SLC30A1: variants seen among roughly 807,000 people sequenced by gnomAD.
SLC30A1 encodes proton-coupled zinc antiporter SLC30A1.
A neutral mutation model predicts 29.8 loss-of-function variants in SLC30A1; 7 were observed. The ratio of observed to expected loss-of-function variants is 0.23; its 90% CI spans 0.13 to 0.44. SLC30A1 has a LOEUF of 0.44. SLC30A1 is among the 20% of genes least tolerant of loss of function. The pLI, the probability that SLC30A1 is intolerant of heterozygous loss-of-function variation, is 1.00. For synonymous variants in SLC30A1, 254 were observed against 253.5 expected, an observed-to-expected ratio of 1.00 and a Z score of -0.02; for missense variants, 446 against 647.9, an observed-to-expected ratio of 0.69 and a Z score of 3.38.
rs761686281 is a variant in SLC30A1 at position 211,576,293 on chromosome 1, C to A, written c.623-4G>T. The A allele has an allele frequency of 6.5e-7, 1 of 1,530,688 alleles. No homozygotes were observed. The highest frequency in any genetic ancestry group is 8.8e-7 in the Non-Finnish European group (1 of 1,137,118). The allele number at this position is 1,530,688 out of a possible 1,614,324, so 94.8% of individuals were successfully genotyped here. On this transcript the variant is annotated splice_region_variant and splice_polypyrimidine_tract_variant and intron_variant, in intron 1 of 1. Transcript: ENST00000367001. ...CCACTTCTGGGGTTTTCTGGGTCTACAAAGAAATAAAAATTTTATATCAAA... is the reference window on the plus strand; with the variant it reads ...CCACTTCTGGGGTTTTCTGGGTCTAAAAAGAAATAAAAATTTTATATCAAA...
At position 211,578,590 on chromosome 1, in the gene SLC30A1, C is replaced by A; in HGVS notation, c.23G>T (p.Arg8Leu). MGCWGRN[R>L]GRLLCMLALT... Reference sequence around the variant, plus strand: ...CGCCAGCATGCACAGCAGCCGGCCCCGGTTCCGACCCCAACACCCCATGGC... The same window carrying A: ...CGCCAGCATGCACAGCAGCCGGCCCAGGTTCCGACCCCAACACCCCATGGC... The change falls in exon 1 of 2, where the codon CGG becomes CTG. Residue 8 changes from arginine to leucine, a missense_variant. Arg to Leu is a moderately radical substitution (Grantham distance 102). Coordinates refer to ENST00000367001, the MANE Select transcript of SLC30A1 (RefSeq NM_021194.3). The A allele has an allele frequency of 6.3e-7, 1 of 1,599,668 alleles. No individual in the cohort carries two copies.
At position 211,573,994 on chromosome 1, in the gene SLC30A1, C is replaced by T. The variant is rs562992158; in HGVS notation, c.*1394G>A. ...ATTTTAAATCCCAAAACGTAGCCAT[C>T]CCAAAAGTAGTCAGCTATAAAAGTA... is the stretch of plus-strand genomic sequence containing the variant. On this transcript the variant is annotated 3_prime_UTR_variant, in exon 2 of 2. Transcript: ENST00000367001. 9.8e-5 allele frequency: 15 copies of T among 152,464 alleles called. No homozygotes were observed. The highest frequency in any genetic ancestry group is 1.8e-4 in the Non-Finnish European group (12 of 67,924). 9.4% of individuals were successfully genotyped at this position (152,464 alleles called of 1,614,324 possible).
chr1:211,578,644 C>A lies in SLC30A1; in HGVS notation c.-32G>T, dbSNP rs1156751944. On this transcript the variant is annotated 5_prime_UTR_variant, in exon 1 of 2. Transcript: ENST00000367001. The stretch of plus-strand genomic sequence containing the variant: ...GGCTGCGGGGCCCGCCGAGCCCGGC[C>A]CGGAGACTGGTGCAGCGGCGGCGTT... 6.7e-7 allele frequency: 1 copy of A among 1,498,198 alleles called. No homozygotes were observed. Among genetic ancestry groups the A allele is most frequent in the East Asian group, 2.4e-5 (1 of 41,094 alleles). The allele number at this position is 1,498,198 out of a possible 1,614,324, so 92.8% of individuals were successfully genotyped here.
rs763814370 is a variant in SLC30A1 at position 211,574,549 on chromosome 1, A to C, written c.*839T>G. On this transcript the variant is annotated 3_prime_UTR_variant, in exon 2 of 2. Transcript: ENST00000367001. ...TAATTATTAGGTGTCAACATCCTTA[A>C]AAATACTTATATATTTTGTAAATAA... The C allele has an allele frequency of 6.6e-6, 1 of 152,152 alleles. No homozygotes were observed. The highest frequency in any genetic ancestry group is 2.4e-5 in the African/African-American group (1 of 41,452). 9.4% of individuals were successfully genotyped at this position (152,152 alleles called of 1,614,324 possible).
Position 211,578,677 on chromosome 1 carries a change from C to T in SLC30A1, c.-65G>A. On this transcript the variant is annotated 5_prime_UTR_variant, in exon 1 of 2. Transcript: ENST00000367001. The stretch of plus-strand genomic sequence containing the variant: ...TGGTGCAGCGGCGGCGTTGGCGGGA[C>T]GCGGAGGGTCGGCGACCGCGACACG... The T allele has an allele frequency of 1.1e-5, 15 of 1,402,290 alleles. No individual in the cohort carries two copies. Among genetic ancestry groups the T allele is most frequent in the Non-Finnish European group, 1.4e-5 (15 of 1,084,042 alleles). 86.9% of individuals were successfully genotyped at this position (1,402,290 alleles called of 1,614,324 possible).
Position 211,572,269 on chromosome 1 carries a change from A to G in SLC30A1, c.*3119T>C, listed in dbSNP as rs1393287203. On this transcript the variant is annotated 3_prime_UTR_variant, in exon 2 of 2. Coordinates refer to ENST00000367001, the MANE Select transcript of SLC30A1 (RefSeq NM_021194.3). The stretch of plus-strand genomic sequence containing the variant: ...CCCCTACACCTTCCCAAGAGTTTTA[A>G]CACTGTTTATGACTTAACTGAAACT... The G allele has an allele frequency of 6.6e-6, 1 of 152,160 alleles. No individual in the cohort carries two copies. The allele number at this position is 152,160 out of a possible 1,614,324, so 9.4% of individuals were successfully genotyped here.
chr1:211,573,901 C>A lies in SLC30A1; in HGVS notation c.*1487G>T, dbSNP rs1706686202. On this transcript the variant is annotated 3_prime_UTR_variant, in exon 2 of 2. Coordinates refer to ENST00000367001, the MANE Select transcript of SLC30A1 (RefSeq NM_021194.3). ...AGGAAAAACACACACCACAAAAGATCATCCCTTTAAAAAGTAACTGTCAAA... is the reference window on the plus strand; with the variant it reads ...AGGAAAAACACACACCACAAAAGATAATCCCTTTAAAAAGTAACTGTCAAA... 1 of 152,466 alleles carries A rather than the reference C, an allele frequency of 6.6e-6. No individual in the cohort carries two copies. Among genetic ancestry groups the A allele is most frequent in the Non-Finnish European group, 1.5e-5 (1 of 67,922 alleles). The allele number at this position is 152,466 out of a possible 1,614,324, so 9.4% of individuals were successfully genotyped here.
chr1:211,578,533 A>G lies in SLC30A1; in HGVS notation c.80T>C (p.Val27Ala), dbSNP rs770833121. The G allele has an allele frequency of 1.2e-6, 2 of 1,611,016 alleles. No individual in the cohort carries two copies. Among genetic ancestry groups the G allele is most frequent in the Non-Finnish European group, 1.7e-6 (2 of 1,179,128 alleles). The change falls in exon 1 of 2, where the codon GTG (valine) becomes GCG (alanine). Residue 27 changes from valine to alanine, a missense_variant. Coordinates refer to ENST00000367001, the MANE Select transcript of SLC30A1 (RefSeq NM_021194.3). Reference protein sequence around the residue: ...LTFMFMVLEVVVSRVTSSLAM... With the variant: ...LTFMFMVLEVAVSRVTSSLAM... ...CAGCGACGAGGTCACCCGGCTCACC[A>G]CCACCTCCAGCACCATGAACATGAA...
rs1206836064 is a variant in SLC30A1, at chr1:211,575,014, C to T, written c.*374G>A. 1.0e-4 allele frequency: 17 copies of T among 167,062 alleles called. No homozygotes were observed. The highest frequency in any genetic ancestry group is 1.7e-4 in the East Asian group (1 of 5,754). The allele number at this position is 167,062 out of a possible 1,614,324, so 10.3% of individuals were successfully genotyped here. ...ATTATAATTCTAATAAAGTATAACACTGGGGGAAAAGAAAAGCAGAGAAAT... is the reference window on the plus strand; with the variant it reads ...ATTATAATTCTAATAAAGTATAACATTGGGGGAAAAGAAAAGCAGAGAAAT... On this transcript the variant is annotated 3_prime_UTR_variant, in exon 2 of 2. Coordinates refer to ENST00000367001, the MANE Select transcript of SLC30A1 (RefSeq NM_021194.3). The surrounding 1 kb of genome is among the most constrained non-coding windows in gnomAD (Gnocchi z 6.0).
chr1:211,572,916 G>C lies in SLC30A1; in HGVS notation c.*2472C>G, dbSNP rs1225244771. On this transcript the variant is annotated 3_prime_UTR_variant, in exon 2 of 2. Coordinates refer to ENST00000367001, the MANE Select transcript of SLC30A1 (RefSeq NM_021194.3). Reference sequence around the variant, plus strand: ...ACTGATCTTGCTCAAATATAAAAGAGCCAGCAGGAGAGATGCAACTCCTAA... The same window carrying C: ...ACTGATCTTGCTCAAATATAAAAGACCCAGCAGGAGAGATGCAACTCCTAA... The C allele has an allele frequency of 6.6e-6, 1 of 152,064 alleles. No homozygotes were observed. The highest frequency in any genetic ancestry group is 1.5e-5 in the Non-Finnish European group (1 of 67,916). 9.4% of individuals were successfully genotyped at this position (152,064 alleles called of 1,614,324 possible).
chr1:211,576,185 G>C lies in SLC30A1; in HGVS notation c.727C>G (p.Leu243Val). ...TGCAGAAAAACTCCACGCATGTTAAGTTGTCCAGCCCTATCTTCTTCCAGT... is the reference window on the plus strand; with the variant it reads ...TGCAGAAAAACTCCACGCATGTTAACTTGTCCAGCCCTATCTTCTTCCAGT... ...MELEEDRAGQ[L>V]NMRGVFLHVL... The change falls in exon 2 of 2, where the codon CTT (leucine) becomes GTT (valine). Residue 243 changes from leucine to valine, a missense_variant. Coordinates refer to ENST00000367001, the MANE Select transcript of SLC30A1 (RefSeq NM_021194.3). 3.1e-6 allele frequency: 5 copies of C among 1,613,686 alleles called. No homozygotes were observed. Among genetic ancestry groups the C allele is most frequent in the Non-Finnish European group, 4.2e-6 (5 of 1,179,946 alleles).
chr1:211,576,218 G>C lies in SLC30A1; in HGVS notation c.694C>G (p.His232Asp). 6.2e-7 allele frequency: 1 copy of C among 1,612,230 alleles called. No individual in the cohort carries two copies. Among genetic ancestry groups the C allele is most frequent in the Non-Finnish European group, 8.5e-7 (1 of 1,179,340 alleles). ...GCCCTATCTTCTTCCAGTTCCATAT[G>C]GTCAGGTTCTCTGACAAGATTTCCA... ...VNGNLVREPD[H>D]MELEEDRAGQ... Residue 232 changes from histidine (H) to aspartate (D), a missense_variant, in exon 2 of 2, where the codon CAT becomes GAT. By Grantham distance (81) the His-to-Asp change is moderately conservative. Transcript: ENST00000367001.
At chr1:211,576,681 C>T (rs1164455292) in intron 1 of SLC30A1, among the ~76,000 whole-genome samples, 1 of 152,124 alleles carries the variant, frequency 6.6e-6, no homozygotes, top group Non-Finnish European at 1.5e-5. Context: ...TACAAAATAC[C>T]TGATTTGACA....
In SLC30A1 at chr1:211,572,792, T is replaced by C. The variant is rs925404408; in HGVS notation, c.*2596A>G. The C allele has an allele frequency of 4.6e-5, 7 of 152,168 alleles. No individual in the cohort carries two copies. Among genetic ancestry groups the C allele is most frequent in the East Asian group, 1.9e-4 (1 of 5,192 alleles). The allele number at this position is 152,168 out of a possible 1,614,324, so 9.4% of individuals were successfully genotyped here. On this transcript the variant is annotated 3_prime_UTR_variant, in exon 2 of 2. Coordinates refer to ENST00000367001, the MANE Select transcript of SLC30A1 (RefSeq NM_021194.3). Reference sequence around the variant, plus strand: ...TAAATCTCTCATCACTAAGGCTGCATTTGGCTTGGAAAAATTTCTTGGTTT... The same window carrying C: ...TAAATCTCTCATCACTAAGGCTGCACTTGGCTTGGAAAAATTTCTTGGTTT...
rs1477916184 is a variant in SLC30A1, at chr1:211,579,076, G to T, written c.-464C>A. Among the ~76,000 whole-genome samples, 3 of 152,244 alleles carry T rather than the reference G, an allele frequency of 2.0e-5. No homozygotes were observed. The highest frequency in any genetic ancestry group is 4.4e-5 in the Non-Finnish European group (3 of 68,024). On this transcript the variant is annotated 5_prime_UTR_variant, in exon 1 of 2. Transcript: ENST00000367001. ...TCTGCTTGCTGGTCTCCTCTGCGGCGGCTGGACTGAGGAGCGGATGGCTGA... is the reference window on the plus strand; with the variant it reads ...TCTGCTTGCTGGTCTCCTCTGCGGCTGCTGGACTGAGGAGCGGATGGCTGA...
Position 211,573,024 on chromosome 1 carries a change from T to C in SLC30A1, c.*2364A>G, listed in dbSNP as rs1706669987. On this transcript the variant is annotated 3_prime_UTR_variant, in exon 2 of 2. Transcript: ENST00000367001. ...ATTCAGAGTATTTCCCTCATTTTCT[T>C]TCAGAAAGGAATAAGCTATTTTGAG... 6.6e-6 allele frequency: 1 copy of C among 152,090 alleles called. No individual in the cohort carries two copies. The highest frequency in any genetic ancestry group is 1.5e-5 in the Non-Finnish European group (1 of 67,922). 9.4% of individuals were successfully genotyped at this position (152,090 alleles called of 1,614,324 possible). A position where few individuals can be genotyped will look rare whatever the true frequency, so the allele number is the denominator to read the frequency against.
Position 211,577,997 on chromosome 1 carries a change from G to T in SLC30A1, c.616C>A (p.Pro206Thr). The change falls in exon 1 of 2, where the codon CCC becomes ACC. Residue 206 changes from proline (P) to threonine (T), a missense_variant. Pro to Thr is a conservative substitution (Grantham distance 38). Transcript: ENST00000367001. The surrounding 1 kb of genome is among the most constrained non-coding windows in gnomAD (Gnocchi z 4.5). ...TSNSNGLKLD[P>T]ADPENPRSGD... is the part of the protein sequence containing the mutation. ...AGCGACTTTCCCGGCTCACCTGCGGGGTCCAATTTCAGCCCGTTGGAGTTG... is the reference window on the plus strand; with the variant it reads ...AGCGACTTTCCCGGCTCACCTGCGGTGTCCAATTTCAGCCCGTTGGAGTTG... 6.2e-7 allele frequency: 1 copy of T among 1,612,794 alleles called. No homozygotes were observed. Among genetic ancestry groups the T allele is most frequent in the Non-Finnish European group, 8.5e-7 (1 of 1,179,750 alleles).
chr1:211,578,918 G>A lies in SLC30A1; in HGVS notation c.-306C>T, dbSNP rs1219791992. Among the ~76,000 whole-genome samples the A allele has an allele frequency of 6.6e-6, 1 of 152,210 alleles. No individual in the cohort carries two copies. The highest frequency in any genetic ancestry group is 2.4e-5 in the African/African-American group (1 of 41,466). On this transcript the variant is annotated 5_prime_UTR_variant, in exon 1 of 2. Transcript: ENST00000367001. ...CCCCCACACCCAGGCGGCGGCGGTG[G>A]CGGGGAGCTGGGCTCCCGGAGCCGG...
chr1:211,577,204 A>T lies in SLC30A1; in HGVS notation c.622+787T>A, dbSNP rs558423967. On this transcript the variant is annotated intron_variant, in intron 1 of 1. Coordinates refer to ENST00000367001, the MANE Select transcript of SLC30A1 (RefSeq NM_021194.3). The surrounding 1 kb of genome is among the most constrained non-coding windows in gnomAD (Gnocchi z 4.5). ...AGCACCATTGAGCTTGGGTAGTAGGACACTGGTTGAGTCATTTCCATCTCC... is the reference window on the plus strand; with the variant it reads ...AGCACCATTGAGCTTGGGTAGTAGGTCACTGGTTGAGTCATTTCCATCTCC... Among the ~76,000 whole-genome samples the T allele has an allele frequency of 6.6e-6, 1 of 152,354 alleles. No homozygotes were observed. Among genetic ancestry groups the T allele is most frequent in the East Asian group, 1.9e-4 (1 of 5,190 alleles).
Sources: gnomAD v4.1 joint callset for allele counts (sites outside exome capture counted in the v4.1 genomes callset) on GRCh38, gnomAD v4.1.1 for gene constraint, Gnocchi (gnomAD v3.1) non-coding constraint, MANE v1.5 for transcripts, NCBI Gene and HGNC (gene_info 2026-07-23, HGNC 2026-07-21) for gene names.